Variants in COL26A1 observed in about 807,000 individuals in gnomAD.
The protein encoded by COL26A1 is collagen type XXVI alpha 1 chain.
COL26A1 carries 41 observed loss-of-function variants against 59.3 expected under a neutral mutation model. The ratio of observed to expected loss-of-function variants is 0.69; its 90% confidence interval spans 0.54 to 0.90. The LOEUF (loss-of-function observed/expected upper bound fraction) is 0.90. Ranked by LOEUF, COL26A1 falls within the 40% of genes least tolerant of loss-of-function variation. The probability of loss-of-function intolerance (pLI) is 0.00; values close to 1 mark genes in which losing one functional copy is unlikely to be tolerated. For missense variants in COL26A1, 612 were observed against 602.3 expected, an observed-to-expected ratio of 1.02 and a Z score of -0.17; for synonymous variants, 266 against 256.0, an observed-to-expected ratio of 1.04 and a Z score of -0.37.
upstream of COL26A1, among the ~76,000 whole-genome samples, chr7:101,362,456 C>A (rs778320344): frequency 1.4e-4 from 21 of 152,182 alleles, no homozygotes; most frequent in Non-Finnish European, 2.5e-4. Flanking sequence ...GAACGCAGCG[C>A]TTTGATCCAA....
At chr7:101,439,537 G>A (rs1040807835) in intron 2 of COL26A1, among the ~76,000 whole-genome samples, 6 of 97,484 alleles carry the variant, frequency 6.2e-5, no homozygotes, top group Admixed American at 1.4e-4. Flanking sequence ...CTGGGCGACA[G>A]GGTGAGACTC....
chr7:101,475,840 CTTTCTTTCTCTCTCTCTT>C (rs1794025736), intron 3 of COL26A1, among the ~76,000 whole-genome samples: 1 of 147,256 alleles, frequency 6.8e-6, no homozygotes, highest in African/African-American at 2.6e-5. Flanking sequence ...CTCTCTCTCT[CTTTCTTTCTCTCTCTCTT>C]TTTCTCTCTC....
At chr7:101,408,332 C>T (rs1792174452) in intron 1 of COL26A1, among the ~76,000 whole-genome samples, 1 of 152,198 alleles carries the variant, frequency 6.6e-6, no homozygotes. Flanking sequence ...GATGCTCTTT[C>T]AGCGTTGTCC....
rs368087299 is a variant in COL26A1 at position 101,494,739 on chromosome 7, G to A, written c.386-38343G>A. Among the ~76,000 whole-genome samples the A allele has an allele frequency of 3.5e-4, 53 of 152,342 alleles. 1 individual carries two copies. The highest frequency in any genetic ancestry group is 3.4e-3 in the Middle Eastern group (1 of 294). On this transcript the variant is annotated intron_variant, in intron 3 of 12. Coordinates refer to ENST00000313669, the MANE Select transcript of COL26A1 (RefSeq NM_001278563.3). ...GAAGCCACAGCAGGGGGCCCAGCCC[G>A]CTCCTCCTCCAGTCCCAGCTCTTCC... is the stretch of plus-strand genomic sequence containing the variant.
chr7:101,393,882 G>A (rs962309824), intron 1 of COL26A1, among the ~76,000 whole-genome samples: 2 of 151,916 alleles, frequency 1.3e-5, no homozygotes, highest in East Asian at 1.9e-4. Context: ...GAGTAGCTGC[G>A]ACTACAGGTG....
At chr7:101,427,616 G>A (rs144409544) in intron 2 of COL26A1, among the ~76,000 whole-genome samples, 2,564 of 151,726 alleles carry the variant, frequency 0.017, 53 homozygotes, top group African/African-American at 0.059. Context: ...AACCAAGATC[G>A]TGCCACTGCA....
At chr7:101,429,769 A>AT (rs1054960435) in intron 2 of COL26A1, among the ~76,000 whole-genome samples, 69 of 150,108 alleles carry the variant, frequency 4.6e-4, no homozygotes, top group Non-Finnish European at 7.3e-4. Flanking sequence ...ATTAAAAAGA[A>AT]TTTTTTTTTG....
At chr7:101,409,087 C>T (rs1360420192) in intron 1 of COL26A1, among the ~76,000 whole-genome samples, 2 of 151,962 alleles carry the variant, frequency 1.3e-5, no homozygotes, top group African/African-American at 4.9e-5. Flanking sequence ...GTACTTACCA[C>T]CCAGATTTGG....
intron 3 of COL26A1, among the ~76,000 whole-genome samples, chr7:101,466,837 T>TGTGTGTGTGTGTGTGTGAGA (rs764059657): frequency 2.0e-3 from 250 of 122,672 alleles, no homozygotes; most frequent in Middle Eastern, 4.3e-3. Context: ...TGTGTGTGTG[T>TGTGTGTGTGTGTGTGTGAGA]GAGAGAGAGA....
intron 1 of COL26A1, among the ~76,000 whole-genome samples, chr7:101,364,347 T>A (rs4727486): frequency 0.58 from 87,980 of 151,818 alleles, 27,065 homozygotes; most frequent in African/African-American, 0.8. Context: ...TTTTAATTTT[T>A]TTTTTTTGCA....
At chr7:101,425,684 G>C (rs12536357) in intron 2 of COL26A1, among the ~76,000 whole-genome samples, 2 of 151,148 alleles carry the variant, frequency 1.3e-5, no homozygotes, top group Non-Finnish European at 3.0e-5. Context: ...TGTATATTTA[G>C]TGGAAATGGG....
At chr7:101,368,978 G>C (rs186844639) in intron 1 of COL26A1, among the ~76,000 whole-genome samples, 1 of 133,830 alleles carries the variant, frequency 7.5e-6, no homozygotes, top group Non-Finnish European at 1.6e-5. Context: ...GTGTGTGAGC[G>C]TAACAGTGTG....
chr7:101,512,228 G>A (rs1021283009), intron 3 of COL26A1, among the ~76,000 whole-genome samples: 5 of 152,106 alleles, frequency 3.3e-5, no homozygotes, highest in Non-Finnish European at 5.9e-5. Flanking sequence ...ATGACTTAGT[G>A]CAAGAGGCAA....
intron 11 of COL26A1, among the ~76,000 whole-genome samples, chr7:101,554,369 A>T (rs1187950526): frequency 6.6e-6 from 1 of 152,070 alleles, no homozygotes; most frequent in Non-Finnish European, 1.5e-5. Context: ...TGCAGGAGGT[A>T]GTAAGAGGGG....
chr7:101,368,909 G>GTGAGTTTTT lies in COL26A1; in HGVS notation c.158+5719_158+5720insTGAGTTTTT, dbSNP rs1249237632. ...GTAGAAAAAACTCACTCAAAATCTG[G>GTGAGTTTTT]CTCTTTCCAAAAAAAAAAATTCTTT... On this transcript the variant is annotated intron_variant, in intron 1 of 12. Coordinates refer to ENST00000313669, the MANE Select transcript of COL26A1 (RefSeq NM_001278563.3). Among the ~76,000 whole-genome samples the GTGAGTTTTT allele has an allele frequency of 4.6e-5, 7 of 151,200 alleles. No homozygotes were observed. The South Asian group carries it at 1.3e-3, about 27-fold the overall frequency.
chr7:101,391,583 G>A (rs1030786534), intron 1 of COL26A1, among the ~76,000 whole-genome samples: 5 of 152,026 alleles, frequency 3.3e-5, no homozygotes, highest in Non-Finnish European at 7.4e-5. Flanking sequence ...TTTTTGAGAC[G>A]GAGTCTCACT....
Position 101,533,128 on chromosome 7 carries a change from C to T in COL26A1, c.432C>T (p.Thr144=), listed in dbSNP as rs1433986344. The T allele has an allele frequency of 1.2e-6, 2 of 1,606,202 alleles. No homozygotes were observed. Among genetic ancestry groups the T allele is most frequent in the Non-Finnish European group, 1.7e-6 (2 of 1,177,368 alleles). ...TRLSDMSERL[T]TLEAKVLLLE... ...TCAGTGACATGAGTGAGCGACTGAC[C>T]ACACTGGAGGCCAAGGTCAGTCGGG... Residue 144 remains threonine (T), a synonymous_variant, in exon 4 of 13, where the codon ACC becomes ACT. Transcript: ENST00000313669.
intron 1 of COL26A1, among the ~76,000 whole-genome samples, chr7:101,365,273 A>G (rs1791016470): frequency 6.6e-6 from 1 of 152,030 alleles, no homozygotes. Context: ...ATTTATGAAA[A>G]GGAAAATCAG....
At chr7:101,414,739 C>A (rs1377357807) in intron 1 of COL26A1, among the ~76,000 whole-genome samples, 3 of 152,038 alleles carry the variant, frequency 2.0e-5, no homozygotes, top group African/African-American at 7.2e-5. Flanking sequence ...GCCCGGCTCA[C>A]CTTTCTTTTT....
Sources: gnomAD v4.1 joint callset for allele counts (sites outside exome capture counted in the v4.1 genomes callset) on GRCh38, gnomAD v4.1.1 for gene constraint, MANE v1.5 for transcripts, NCBI Gene and HGNC (gene_info 2026-07-23, HGNC 2026-07-21) for gene names.